Variants in SCGN observed in about 807,000 individuals in gnomAD.
SCGN encodes the protein secretagogin.
Under a neutral mutation model 39.7 loss-of-function variants are expected in SCGN, and 30 were observed. That is an observed-to-expected ratio of 0.76 (90% CI 0.57 to 1.03). The LOEUF (loss-of-function observed/expected upper bound fraction) is 1.03. SCGN is among the 50% of genes least tolerant of loss of function. The probability of loss-of-function intolerance (pLI) is 0.00; values close to 1 mark genes in which losing one functional copy is unlikely to be tolerated. For missense variants in SCGN, 353 were observed against 349.4 expected (o/e 1.01, Z -0.08); for synonymous variants, 106 against 114.1 (o/e 0.93, Z 0.45).
intron 6 of SCGN, among the ~76,000 whole-genome samples, chr6:25,673,748 G>A (rs1301762175): frequency 2.6e-5 from 4 of 152,118 alleles, no homozygotes; most frequent in Non-Finnish European, 4.4e-5. Flanking sequence ...CCATAATCAA[G>A]CAAACTCCAG....
chr6:25,682,499 T>C (rs879672501), intron 7 of SCGN, among the ~76,000 whole-genome samples: 18 of 152,202 alleles, frequency 1.2e-4, no homozygotes, highest in African/African-American at 3.6e-4. Context: ...TGGCTCAGTG[T>C]CCATGAAAAT....
chr6:25,701,475 G>T lies in SCGN; in HGVS notation c.*140G>T, dbSNP rs1759912360. ...TCTTGGGCAAGAACAGGGACGCTAG[G>T]GCCTTCCTTCCACCGGCGTGATCTA... On this transcript the variant is annotated 3_prime_UTR_variant, in exon 11 of 11. Transcript: ENST00000377961. The T allele has an allele frequency of 2.9e-6, 3 of 1,019,644 alleles. No individual in the cohort carries two copies. Among genetic ancestry groups the T allele is most frequent in the Admixed American group, 2.4e-5 (1 of 42,046 alleles). The allele number at this position is 1,019,644 out of a possible 1,614,324, so 63.2% of individuals were successfully genotyped here. A position where few individuals can be genotyped will look rare whatever the true frequency, so the allele number is the denominator to read the frequency against.
rs909557520 is a variant in SCGN, at chr6:25,666,248, C to T, written c.336+1216C>T. Among the ~76,000 whole-genome samples the T allele has an allele frequency of 6.6e-5, 10 of 150,996 alleles. 1 individual carries two copies. In the South Asian group the frequency reaches 1.1e-3, roughly 16 times the overall value. ...GTGGGCACCTGTAATCCCAGCTACT[C>T]GGGAGGCGTAGGGTGGAGAATCACT... On this transcript the variant is annotated intron_variant, in intron 4 of 10. Transcript: ENST00000377961.
At chr6:25,676,452 C>T (rs937415601) in intron 6 of SCGN, among the ~76,000 whole-genome samples, 2 of 152,206 alleles carry the variant, frequency 1.3e-5, no homozygotes, top group South Asian at 2.1e-4. Context: ...CTAGTCTTGC[C>T]ACACTATTAC....
chr6:25,693,320 T>C (rs373076696), intron 10 of SCGN, among the ~76,000 whole-genome samples: 1 of 151,226 alleles, frequency 6.6e-6, no homozygotes, highest in African/African-American at 2.4e-5. Context: ...GGCGTGGTGG[T>C]GGGCGCCTGT....
Position 25,681,981 on chromosome 6 carries a change from C to A in SCGN, c.502C>A (p.Arg168=), listed in dbSNP as rs148850055. Reference sequence around the variant, plus strand: ...GATTTTTGACAGAAATAAAGATGGTCGGTTGGATCTAAATGACTTAGCAAG... The same window carrying A: ...GATTTTTGACAGAAATAAAGATGGTAGGTTGGATCTAAATGACTTAGCAAG... ...MKIFDRNKDG[R]LDLNDLARIL... The change falls in exon 7 of 11, where the codon CGG becomes AGG. Residue 168 remains arginine (R), a synonymous_variant. Coordinates refer to ENST00000377961, the MANE Select transcript of SCGN (RefSeq NM_006998.4). 1 of 1,613,416 alleles carries A rather than the reference C, an allele frequency of 6.2e-7. No homozygotes were observed. Among genetic ancestry groups the A allele is most frequent in the Non-Finnish European group, 8.5e-7 (1 of 1,179,438 alleles).
intron 6 of SCGN, 106 bp downstream of exon 6, chr6:25,670,182 T>C (rs1361656142): frequency 4.9e-6 from 4 of 811,198 alleles, no homozygotes; most frequent in Non-Finnish European, 8.6e-6. Flanking sequence ...AATTGAAGAC[T>C]AAATGAATGC....
chr6:25,683,484 C>A (rs1759664217), intron 7 of SCGN, among the ~76,000 whole-genome samples: 1 of 152,188 alleles, frequency 6.6e-6, no homozygotes, highest in African/African-American at 2.4e-5. Flanking sequence ...GGGCTCAGAG[C>A]AGCTGCTCTC....
chr6:25,699,698 G>C (rs1028258733), intron 10 of SCGN, among the ~76,000 whole-genome samples: 1 of 151,938 alleles, frequency 6.6e-6, no homozygotes, highest in African/African-American at 2.4e-5. Flanking sequence ...TACAAAGTCA[G>C]TGCCCACCCA....
At chr6:25,699,589 CAAAAAAAAAAAAA>C (rs35915067) in intron 10 of SCGN, among the ~76,000 whole-genome samples, 1 of 53,828 alleles carries the variant, frequency 1.9e-5, no homozygotes, top group Non-Finnish European at 3.8e-5. Context: ...AACTCTGTCT[CAAAAAAAAAAAAA>C]AAAAAAAAGA....
At chr6:25,669,663 A>G in intron 5 of SCGN, 96 bp downstream of exon 5, 1 of 1,009,226 alleles carries the variant, frequency 9.9e-7, no homozygotes, top group East Asian at 2.4e-5. Context: ...AGAAAGATGT[A>G]TTTGAATATG....
chr6:25,655,653 C>G (rs904637155), intron 2 of SCGN, among the ~76,000 whole-genome samples: 1 of 145,866 alleles, frequency 6.9e-6, no homozygotes, highest in Admixed American at 6.9e-5. Flanking sequence ...TTTCAGTATG[C>G]CTGAGAATTA....
intron 9 of SCGN, among the ~76,000 whole-genome samples, chr6:25,690,435 A>G (rs1016529395): frequency 2.6e-5 from 4 of 152,368 alleles, no homozygotes; most frequent in Non-Finnish European, 5.9e-5. Context: ...ATGATATGTT[A>G]AAGGCTCAGG....
intron 2 of SCGN, among the ~76,000 whole-genome samples, chr6:25,655,618 A>T (rs1377137699): frequency 1.3e-5 from 2 of 152,176 alleles, no homozygotes; most frequent in Non-Finnish European, 2.9e-5. Context: ...AAGTTCTCAT[A>T]ATCCTTAACC....
chr6:25,652,470 C>A lies in SCGN; in HGVS notation c.67C>A (p.Arg23Ser). The A allele has an allele frequency of 6.2e-7, 1 of 1,613,982 alleles. No homozygotes were observed. The highest frequency in any genetic ancestry group is 8.5e-7 in the Non-Finnish European group (1 of 1,180,006). The change falls in exon 1 of 11, where the codon CGC becomes AGC. Residue 23 changes from arginine (R) to serine (S), a missense_variant. Coordinates refer to ENST00000377961, the MANE Select transcript of SCGN (RefSeq NM_006998.4). ...DAAGFWQVWQRFDADEKGYIE... is the reference protein window; with the variant it reads ...DAAGFWQVWQSFDADEKGYIE... ...CGCTGGCTTCTGGCAGGTCTGGCAG[C>A]GCTTTGATGCGGATGGTGAGTAGAA...
rs1035213651 is a variant in SCGN at position 25,652,350 on chromosome 6, C to T, written c.-54C>T. 3.4e-5 allele frequency: 48 copies of T among 1,429,918 alleles called. No individual in the cohort carries two copies. The highest frequency in any genetic ancestry group is 4.2e-5 in the Non-Finnish European group (43 of 1,013,132). 88.6% of individuals were successfully genotyped at this position (1,429,918 alleles called of 1,614,324 possible). ...CAAGAAATACGGTGAAGGAGTCCTT[C>T]CCAAAGTTGTCTAGGTCCTTCCGCG... On this transcript the variant is annotated 5_prime_UTR_variant, in exon 1 of 11. Transcript: ENST00000377961.
intron 10 of SCGN, among the ~76,000 whole-genome samples, chr6:25,696,588 C>T (rs183879081): frequency 5.1e-4 from 77 of 152,220 alleles, no homozygotes; most frequent in Admixed American, 3.7e-3. Flanking sequence ...TATATTTGGC[C>T]TTGTCCCGGG....
At chr6:25,679,587 G>A (rs1001993494) in intron 6 of SCGN, among the ~76,000 whole-genome samples, 1 of 152,176 alleles carries the variant, frequency 6.6e-6, no homozygotes, top group African/African-American at 2.4e-5. Flanking sequence ...TGCCACCACT[G>A]CCTGGAGCAG....
Position 25,681,975 on chromosome 6 carries a change from G to C in SCGN, c.496G>C (p.Asp166His). Residue 166 changes from aspartate (D) to histidine (H), a missense_variant, in exon 7 of 11, where the codon GAT becomes CAT. Transcript: ENST00000377961. ...GATGAAGATTTTTGACAGAAATAAAGATGGTCGGTTGGATCTAAATGACTT... is the reference window on the plus strand; with the variant it reads ...GATGAAGATTTTTGACAGAAATAAACATGGTCGGTTGGATCTAAATGACTT... ...TMMKIFDRNK[D>H]GRLDLNDLAR... The C allele has an allele frequency of 6.2e-7, 1 of 1,613,782 alleles. No homozygotes were observed. The highest frequency in any genetic ancestry group is 8.5e-7 in the Non-Finnish European group (1 of 1,179,704).
Sources: gnomAD v4.1 joint callset for allele counts (sites outside exome capture counted in the v4.1 genomes callset) on GRCh38, gnomAD v4.1.1 for gene constraint, MANE v1.5 for transcripts, NCBI Gene and HGNC (gene_info 2026-07-23, HGNC 2026-07-21) for gene names.